The following EFCAB11 variants were observed in gnomAD, a reference collection of about 807,000 sequenced individuals.
EFCAB11 encodes EF-hand calcium-binding domain-containing protein 11.
EFCAB11 carries 14 observed loss-of-function variants against 23.0 expected under a neutral mutation model. The observed-to-expected ratio is 0.61, with a 90% CI of 0.40 to 0.95. The LOEUF is 0.95. Among genes scored for constraint, EFCAB11 ranks in the 40% least tolerant of loss-of-function variants. The pLI is 0.00. For missense variants in EFCAB11, 198 were observed against 195.8 expected (o/e 1.01, Z -0.07); for synonymous variants, 65 against 66.6 (o/e 0.98, Z 0.11).
At chr14:89,924,827 C>A in intron 5 of EFCAB11, 4 of 967,546 alleles carry the variant, frequency 4.1e-6, no homozygotes, top group South Asian at 1.7e-5. Flanking sequence ...ATAAATTAAA[C>A]CACGAAGAAA....
At chr14:89,911,937 A>G (rs1437166435) in intron 5 of EFCAB11, among the ~76,000 whole-genome samples, 3 of 152,194 alleles carry the variant, frequency 2.0e-5, no homozygotes, top group East Asian at 3.9e-4. Context: ...ACAACCTGTC[A>G]TTATCTTAAT....
intron 5 of EFCAB11, among the ~76,000 whole-genome samples, chr14:89,928,023 G>A (rs1890249541): frequency 6.6e-6 from 1 of 151,978 alleles, no homozygotes; most frequent in African/African-American, 2.4e-5. Context: ...ATGCCTGACC[G>A]TGTTATTCAT....
chr14:89,815,303 T>C (rs1237973054), intron 5 of EFCAB11, among the ~76,000 whole-genome samples: 6 of 152,154 alleles, frequency 3.9e-5, no homozygotes, highest in African/African-American at 1.4e-4. Flanking sequence ...TGTGAAAAAT[T>C]TGTTTAAGTT....
intron 3 of EFCAB11, among the ~76,000 whole-genome samples, chr14:89,942,667 T>C (rs370126346): frequency 6.6e-6 from 1 of 152,256 alleles, no homozygotes; most frequent in African/African-American, 2.4e-5. Context: ...CCCACTCATA[T>C]ATTTCCTTGT....
intron 5 of EFCAB11, chr14:89,837,104 T>G (rs1372293069): frequency 6.6e-6 from 3 of 456,432 alleles, no homozygotes; most frequent in African/African-American, 6.0e-5. Context: ...AGACTTCTGG[T>G]CAATATGGCA....
intron 5 of EFCAB11, among the ~76,000 whole-genome samples, chr14:89,832,025 G>C (rs938827106): frequency 1.3e-5 from 2 of 152,068 alleles, no homozygotes; most frequent in African/African-American, 4.8e-5. Flanking sequence ...TAAATCCCAA[G>C]CTAGGGGCTG....
At chr14:89,946,321 T>C (rs1034354413) in intron 3 of EFCAB11, among the ~76,000 whole-genome samples, 4 of 152,214 alleles carry the variant, frequency 2.6e-5, no homozygotes, top group Non-Finnish European at 4.4e-5. Flanking sequence ...CACTTTGGCA[T>C]ACTTTTGGTT....
chr14:89,917,796 T>C (rs1311121719), intron 5 of EFCAB11, among the ~76,000 whole-genome samples: 2 of 152,236 alleles, frequency 1.3e-5, no homozygotes, highest in East Asian at 1.9e-4. Flanking sequence ...TTGGTTTGAA[T>C]TGAGCAATAA....
Position 89,900,444 on chromosome 14 carries a change from T to C in EFCAB11, c.410+31097A>G, listed in dbSNP as rs12433816. Among the ~76,000 whole-genome samples, 608 of 152,286 alleles carry C rather than the reference T, an allele frequency of 4.0e-3. 7 individuals are homozygous for C. The highest frequency in any genetic ancestry group is 0.027 in the Admixed American group (414 of 15,296). ...ACATAAATGGACAAATTTTCTGACTTGAATATTTCATATATGCATCATACA... is the reference window on the plus strand; with the variant it reads ...ACATAAATGGACAAATTTTCTGACTCGAATATTTCATATATGCATCATACA... On this transcript the variant is annotated intron_variant, in intron 5 of 5. Transcript: ENST00000316738.
intron 5 of EFCAB11, among the ~76,000 whole-genome samples, chr14:89,917,189 C>T (rs1261301419): frequency 1.3e-5 from 2 of 151,988 alleles, no homozygotes; most frequent in Admixed American, 6.6e-5. Context: ...TACACTAGAT[C>T]ACTAGAATTC....
At chr14:89,814,003 T>C (rs1886240903) in intron 5 of EFCAB11, among the ~76,000 whole-genome samples, 1 of 152,036 alleles carries the variant, frequency 6.6e-6, no homozygotes. Context: ...ATTTGACTCG[T>C]TTGACACTCT....
chr14:89,842,633 ATATG>A (rs10605103), intron 5 of EFCAB11, among the ~76,000 whole-genome samples: 77,080 of 135,894 alleles, frequency 0.57, 21,517 homozygotes, highest in Non-Finnish European at 0.65. Flanking sequence ...ATATGATATG[ATATG>A]ATATAATATA....
chr14:89,884,321 T>C (rs1939021507), intron 5 of EFCAB11, among the ~76,000 whole-genome samples: 1 of 152,142 alleles, frequency 6.6e-6, no homozygotes. Flanking sequence ...AGAAAAAGCA[T>C]TTAATAAAAG....
intron 5 of EFCAB11, among the ~76,000 whole-genome samples, chr14:89,824,474 A>T (rs1350878801): frequency 6.6e-6 from 1 of 152,106 alleles, no homozygotes; most frequent in Non-Finnish European, 1.5e-5. Flanking sequence ...AGGGGGATAG[A>T]GGAAAACAAA....
At chr14:89,923,875 T>C (rs1194228965) in intron 5 of EFCAB11, 1 of 985,290 alleles carries the variant, frequency 1.0e-6, no homozygotes, top group Non-Finnish European at 1.2e-6. Flanking sequence ...AAAATTACAG[T>C]GAGAAATAAC....
intron 5 of EFCAB11, among the ~76,000 whole-genome samples, chr14:89,824,861 C>T (rs1273726356): frequency 6.6e-6 from 1 of 151,804 alleles, no homozygotes; most frequent in African/African-American, 2.4e-5. Flanking sequence ...ATACATGAAG[C>T]AAAACATCGA....
chr14:89,808,243 G>A (rs989598149), intron 5 of EFCAB11, among the ~76,000 whole-genome samples: 3 of 152,112 alleles, frequency 2.0e-5, no homozygotes, highest in African/African-American at 7.2e-5. Flanking sequence ...AATTAAAAGC[G>A]TAATATTTCT....
rs887397694 is a variant in EFCAB11 at position 89,797,161 on chromosome 14, C to A, written c.*82G>T. On this transcript the variant is annotated 3_prime_UTR_variant, in exon 6 of 6. Transcript: ENST00000316738. ...TAAATGTTTAATCACAAGTCTGTAG[C>A]ATGACATCATTAGTAGAGTCGAGTC... The A allele has an allele frequency of 7.5e-7, 1 of 1,324,532 alleles. No homozygotes were observed. 82.0% of individuals were successfully genotyped at this position (1,324,532 alleles called of 1,614,324 possible).
At chr14:89,922,628 G>C (rs942189) in intron 5 of EFCAB11, among the ~76,000 whole-genome samples, 1 of 150,654 alleles carries the variant, frequency 6.6e-6, no homozygotes, top group African/African-American at 2.4e-5. Context: ...AAAGCCTGTG[G>C]TTTTTTTTCC....
Sources: allele counts gnomAD v4.1 joint callset (sites outside exome capture counted in the v4.1 genomes callset), GRCh38; gene constraint gnomAD v4.1.1; transcripts MANE v1.5; gene names NCBI Gene and HGNC (gene_info 2026-07-23, HGNC 2026-07-21).